Variants in CDH13 observed in about 807,000 individuals in gnomAD.
CDH13 encodes the protein cadherin 13, also known as cadherin-13.
Under a neutral mutation model 63.8 loss-of-function variants are expected in CDH13, and 24 were observed. The observed-to-expected ratio is 0.38, with a 90% CI of 0.27 to 0.53. CDH13 has a LOEUF of 0.53. Among genes scored for constraint, CDH13 ranks in the 20% least tolerant of loss-of-function variants. The pLI, the probability that CDH13 is intolerant of heterozygous loss-of-function variation, is 0.85. For missense variants in CDH13, 1,049 were observed against 903.1 expected, an observed-to-expected ratio of 1.16 and a Z score of -2.07; for synonymous variants, 503 against 355.3, an observed-to-expected ratio of 1.42 and a Z score of -4.67.
chr16:82,676,854 G>C (rs951959878), intron 1 of CDH13, among the ~76,000 whole-genome samples: 1 of 144,824 alleles, frequency 6.9e-6, no homozygotes, highest in Non-Finnish European at 1.5e-5. Context: ...ACACAGTTTT[G>C]TTTTGGGTTT....
chr16:83,027,079 C>T (rs993753386), intron 2 of CDH13, among the ~76,000 whole-genome samples: 1 of 150,534 alleles, frequency 6.6e-6, no homozygotes, highest in East Asian at 2.0e-4. Flanking sequence ...TCGGCAGCCT[C>T]TTGCTCACAG....
intron 10 of CDH13, among the ~76,000 whole-genome samples, chr16:83,685,478 T>A (rs1904297774): frequency 6.6e-6 from 1 of 152,206 alleles, no homozygotes; most frequent in African/African-American, 2.4e-5. Flanking sequence ...CAGCAATTCA[T>A]TCATTCATGC....
intron 5 of CDH13, among the ~76,000 whole-genome samples, chr16:83,320,949 T>A (rs79976895): frequency 6.6e-6 from 1 of 152,342 alleles, no homozygotes; most frequent in Non-Finnish European, 1.5e-5. Flanking sequence ...TTAGTCTGAA[T>A]GTGAAGTCTT....
At chr16:83,771,282 G>A (rs146067924) in intron 11 of CDH13, among the ~76,000 whole-genome samples, 86 of 152,312 alleles carry the variant, frequency 5.6e-4, no homozygotes, top group African/African-American at 2.0e-3. Context: ...CAGACCAAGA[G>A]TAACCCAGGC....
chr16:82,932,893 T>C (rs1276147865), intron 2 of CDH13, among the ~76,000 whole-genome samples: 2 of 152,220 alleles, frequency 1.3e-5, no homozygotes, highest in Non-Finnish European at 2.9e-5. Flanking sequence ...AGTTGACTAG[T>C]AGAGAATGAA....
intron 1 of CDH13, among the ~76,000 whole-genome samples, chr16:82,643,646 T>C (rs1336431793): frequency 6.6e-6 from 1 of 152,236 alleles, no homozygotes; most frequent in African/African-American, 2.4e-5. Flanking sequence ...TTAAGAACCA[T>C]CTTTTGCCTC....
chr16:82,884,735 C>T (rs1394157251), intron 2 of CDH13, among the ~76,000 whole-genome samples: 1 of 152,208 alleles, frequency 6.6e-6, no homozygotes, highest in African/African-American at 2.4e-5. Context: ...TCTCAGCCAA[C>T]AAGACTTAGG....
At chr16:82,841,677 C>G (rs2039015295) in intron 1 of CDH13, among the ~76,000 whole-genome samples, 1 of 145,744 alleles carries the variant, frequency 6.9e-6, no homozygotes, top group Admixed American at 7.1e-5. Context: ...AACCCTTTCC[C>G]TTATTACAAA....
intron 5 of CDH13, among the ~76,000 whole-genome samples, chr16:83,274,690 A>G (rs985671920): frequency 2.6e-5 from 4 of 152,166 alleles, no homozygotes; most frequent in Non-Finnish European, 4.4e-5. Context: ...AAGGATCCTC[A>G]GCTTCTACTG....
intron 10 of CDH13, among the ~76,000 whole-genome samples, chr16:83,709,939 T>C (rs1907753113): frequency 1.3e-5 from 2 of 152,038 alleles, no homozygotes; most frequent in Non-Finnish European, 1.5e-5. Context: ...GAAACATTAT[T>C]CATTCCTTCA....
At chr16:83,620,364 C>T (rs1272104243) in intron 8 of CDH13, among the ~76,000 whole-genome samples, 2 of 142,134 alleles carry the variant, frequency 1.4e-5, no homozygotes, top group African/African-American at 2.6e-5. Flanking sequence ...GCACTACAAC[C>T]TGTCGACAGA....
At chr16:83,430,493 A>T (rs1317666835) in intron 6 of CDH13, among the ~76,000 whole-genome samples, 1 of 152,362 alleles carries the variant, frequency 6.6e-6, no homozygotes, top group East Asian at 1.9e-4. Flanking sequence ...TACAAATAAT[A>T]GACTCCCTGA....
intron 4 of CDH13, among the ~76,000 whole-genome samples, chr16:83,164,684 C>T (rs950147492): frequency 1.4e-5 from 2 of 147,720 alleles, no homozygotes. Flanking sequence ...TGTGCCATTG[C>T]ACTCTAGGCT....
chr16:83,429,823 T>C (rs1409543728), intron 6 of CDH13, among the ~76,000 whole-genome samples: 1 of 152,222 alleles, frequency 6.6e-6, no homozygotes, highest in African/African-American at 2.4e-5. Context: ...ACAAATATTT[T>C]TGAGTAGACA....
intron 5 of CDH13, among the ~76,000 whole-genome samples, chr16:83,328,882 A>C (rs144710452): frequency 6.6e-6 from 1 of 152,222 alleles, no homozygotes; most frequent in Non-Finnish European, 1.5e-5. Flanking sequence ...ATGGAGCTCC[A>C]CACTAGCAGG....
At chr16:82,846,543 C>G (rs2039264221) in intron 1 of CDH13, among the ~76,000 whole-genome samples, 1 of 152,142 alleles carries the variant, frequency 6.6e-6, no homozygotes, top group Non-Finnish European at 1.5e-5. Flanking sequence ...ATTTAAGTAA[C>G]TTGCTCAGGG....
intron 1 of CDH13, among the ~76,000 whole-genome samples, chr16:82,831,390 T>C (rs2038534500): frequency 6.7e-6 from 1 of 148,608 alleles, no homozygotes; most frequent in Non-Finnish European, 1.5e-5. Context: ...TTGATAATTA[T>C]ATATCTTTCA....
Position 82,760,241 on chromosome 16 carries a change from G to T in CDH13, c.46-98121G>T, listed in dbSNP as rs564637292. ...ATTGCGGGTACTTACTGAGGGGGTA[G>T]AAGGAACATAGTACCGCCCCCGCAA... On this transcript the variant is annotated intron_variant, in intron 1 of 13. Transcript: ENST00000567109. Among the ~76,000 whole-genome samples the T allele has an allele frequency of 3.2e-4, 49 of 152,298 alleles. No individual in the cohort carries two copies. In the South Asian group the frequency reaches 1.0e-2, roughly 31 times the overall value.
chr16:83,582,649 C>G (rs773458556), intron 7 of CDH13, among the ~76,000 whole-genome samples: 5 of 152,158 alleles, frequency 3.3e-5, no homozygotes, highest in Non-Finnish European at 7.3e-5. Context: ...ACATTCACTT[C>G]CCAGCCGTGG....
Sources: allele counts gnomAD v4.1 joint callset (sites outside exome capture counted in the v4.1 genomes callset), GRCh38; gene constraint gnomAD v4.1.1; transcripts MANE v1.5; gene names NCBI Gene and HGNC (gene_info 2026-07-23, HGNC 2026-07-21).